MAD1L1: variants seen among roughly 807,000 people sequenced by gnomAD.
MAD1L1 encodes the protein mitotic arrest deficient 1 like 1, also known as mitotic spindle assembly checkpoint protein MAD1.
A neutral mutation model predicts 96.9 loss-of-function variants in MAD1L1; 95 were observed. The ratio of observed to expected loss-of-function variants is 0.98; its 90% CI spans 0.83 to 1.16. MAD1L1 has a LOEUF of 1.16. Among genes scored for constraint, MAD1L1 ranks in the 50% most tolerant of loss-of-function variants. MAD1L1 has a pLI of 0.00. For synonymous variants in MAD1L1, 473 were observed against 396.6 expected (o/e 1.19, Z -2.29); for missense variants, 1,007 against 954.4 (o/e 1.06, Z -0.73).
intron 3 of MAD1L1, among the ~76,000 whole-genome samples, chr7:2,226,049 T>C (rs1793876923): frequency 6.6e-6 from 1 of 152,046 alleles, no homozygotes; most frequent in Admixed American, 6.6e-5. Context: ...ATCTCCAAAG[T>C]CAACCACGTC....
intron 12 of MAD1L1, among the ~76,000 whole-genome samples, chr7:2,068,904 G>A (rs983931460): frequency 3.3e-4 from 50 of 152,202 alleles, no homozygotes; most frequent in African/African-American, 1.1e-3. Context: ...CAGGGGGTCC[G>A]CAGTGACAGG....
intron 12 of MAD1L1, among the ~76,000 whole-genome samples, chr7:2,033,617 A>G (rs1048035387): frequency 2.0e-5 from 3 of 152,250 alleles, no homozygotes; most frequent in Non-Finnish European, 2.9e-5. Context: ...TAACTGACAA[A>G]CACAAAATTC....
chr7:1,898,142 C>T (rs779432243), intron 18 of MAD1L1, 58 bp downstream of exon 18: 6 of 1,526,704 alleles, frequency 3.9e-6, no homozygotes, highest in South Asian at 1.2e-5. Flanking sequence ...GGTCGGATCT[C>T]CCCACAGGAG....
chr7:2,024,320 G>A (rs1461654079), intron 12 of MAD1L1, among the ~76,000 whole-genome samples: 1 of 152,198 alleles, frequency 6.6e-6, no homozygotes, highest in African/African-American at 2.4e-5. Context: ...GAGATCACAT[G>A]AATCGGTCTT....
rs186396574 is a variant in MAD1L1 at position 2,029,261 on chromosome 7, G to A, written c.1219-14619C>T. On this transcript the variant is annotated intron_variant, in intron 12 of 18. Transcript: ENST00000265854. ...CACAGAAAATTTTAAAAATTATGAC[G>A]TGATATACCCATAAGATAGAAATGA... Among the ~76,000 whole-genome samples, 22 of 152,246 alleles carry A rather than the reference G, an allele frequency of 1.4e-4. No homozygotes were observed. In the East Asian group the frequency reaches 2.1e-3, roughly 15 times the overall value.
chr7:1,945,135 C>T (rs896011456), intron 16 of MAD1L1, among the ~76,000 whole-genome samples: 26 of 152,178 alleles, frequency 1.7e-4, no homozygotes, highest in African/African-American at 5.8e-4. Context: ...CACGGTGCCT[C>T]GGCGCCCGCT....
At chr7:2,218,075 A>G in intron 6 of MAD1L1, 32 bp from the exon 7 acceptor site, 3 of 1,555,156 alleles carry the variant, frequency 1.9e-6, no homozygotes, top group Middle Eastern at 1.7e-4. Flanking sequence ...ACACACAGAA[A>G]CAGGCATGCG....
intron 18 of MAD1L1, among the ~76,000 whole-genome samples, chr7:1,834,109 G>A (rs892928729): frequency 7.2e-5 from 11 of 152,160 alleles, no homozygotes; most frequent in African/African-American, 1.9e-4. Context: ...CAAAAGGGAG[G>A]TTAGTTAAGT....
intron 17 of MAD1L1, among the ~76,000 whole-genome samples, chr7:1,922,694 G>T (rs1300055929): frequency 6.6e-6 from 1 of 152,218 alleles, no homozygotes. Flanking sequence ...GAGAGGGAAG[G>T]CCTCTGCCTG....
intron 12 of MAD1L1, 73 bp from the exon 13 acceptor site, chr7:2,014,715 G>A (rs1782457586): frequency 1.3e-6 from 2 of 1,484,454 alleles, no homozygotes; most frequent in Admixed American, 4.1e-5. Context: ...GCTCAGGGAA[G>A]GCCCCACGAG....
chr7:1,942,034 G>T (rs1022481814), intron 16 of MAD1L1, among the ~76,000 whole-genome samples: 3 of 152,196 alleles, frequency 2.0e-5, no homozygotes, highest in African/African-American at 7.2e-5. Flanking sequence ...TCCCCACCGT[G>T]ATTCTGGGCC....
chr7:1,999,724 A>G (rs550828171), intron 14 of MAD1L1, among the ~76,000 whole-genome samples: 4 of 152,296 alleles, frequency 2.6e-5, no homozygotes, highest in South Asian at 2.1e-4. Flanking sequence ...CCCACTGCCC[A>G]TCGGTAAAGC....
intron 18 of MAD1L1, among the ~76,000 whole-genome samples, chr7:1,892,053 G>C (rs900157958): frequency 1.3e-5 from 2 of 152,118 alleles, no homozygotes; most frequent in Non-Finnish European, 2.9e-5. Context: ...CTCCGTTCAC[G>C]GTGAGCACCC....
At position 1,864,790 on chromosome 7, in the gene MAD1L1, C is replaced by T. The variant is rs569209554; in HGVS notation, c.1998+33410G>A. Among the ~76,000 whole-genome samples the T allele has an allele frequency of 3.9e-5, 6 of 152,126 alleles. No individual in the cohort carries two copies. The South Asian group carries it at 6.2e-4, about 16-fold the overall frequency. Reference sequence around the variant, plus strand: ...CCCACTGTTGGGAGAGCCTGGTGCCCCCCGCCCCCACTCCGCCCCTTTCTC... The same window carrying T: ...CCCACTGTTGGGAGAGCCTGGTGCCTCCCGCCCCCACTCCGCCCCTTTCTC... On this transcript the variant is annotated intron_variant, in intron 18 of 18. Transcript: ENST00000265854.
At chr7:1,959,770 G>A (rs948298584) in intron 15 of MAD1L1, among the ~76,000 whole-genome samples, 1 of 152,140 alleles carries the variant, frequency 6.6e-6, no homozygotes, top group Non-Finnish European at 1.5e-5. Flanking sequence ...ATCATCAGCC[G>A]ACCTGCTCTA....
chr7:2,119,175 T>G lies in MAD1L1; in HGVS notation c.1073+29977A>C, dbSNP rs1223704368. ...GTTCAGGCCAGGCAGCCTGGACTCC[T>G]GCTGTGTTTCATCTACTGTGACATT... is the stretch of plus-strand genomic sequence containing the variant. On this transcript the variant is annotated intron_variant, in intron 11 of 18. Transcript: ENST00000265854. The surrounding 1 kb of genome is among the most constrained non-coding windows in gnomAD (Gnocchi z 4.6). Among the ~76,000 whole-genome samples the G allele has an allele frequency of 6.6e-6, 1 of 152,236 alleles. No individual in the cohort carries two copies. The highest frequency in any genetic ancestry group is 2.4e-5 in the African/African-American group (1 of 41,532).
chr7:2,024,844 G>C (rs1417968624), intron 12 of MAD1L1, among the ~76,000 whole-genome samples: 1 of 152,228 alleles, frequency 6.6e-6, no homozygotes, highest in South Asian at 2.1e-4. Context: ...ACCAGACCTA[G>C]ATGGCTTCAC....
chr7:1,889,029 A>G (rs111942447), intron 18 of MAD1L1, among the ~76,000 whole-genome samples: 2,708 of 152,318 alleles, frequency 0.018, 83 homozygotes, highest in African/African-American at 0.062. Flanking sequence ...CACTCAGCGC[A>G]ATGTGGCAGG....
chr7:2,109,956 C>A (rs1026189592), intron 11 of MAD1L1, among the ~76,000 whole-genome samples: 6 of 152,170 alleles, frequency 3.9e-5, no homozygotes, highest in African/African-American at 1.4e-4. Flanking sequence ...GGTCAGGCCA[C>A]TAGTAAGGGC....
Sources: gnomAD v4.1 joint callset for allele counts (sites outside exome capture counted in the v4.1 genomes callset) on GRCh38, gnomAD v4.1.1 for gene constraint, Gnocchi (gnomAD v3.1) non-coding constraint, MANE v1.5 for transcripts, NCBI Gene and HGNC (gene_info 2026-07-23, HGNC 2026-07-21) for gene names.